The following CACNG6 variants were observed in gnomAD, a reference collection of about 807,000 sequenced individuals.
CACNG6 encodes voltage-dependent calcium channel gamma-6 subunit.
CACNG6 carries 21 observed loss-of-function variants against 23.9 expected under a neutral mutation model. The ratio of observed to expected loss-of-function variants is 0.88; its 90% CI spans 0.62 to 1.26. The LOEUF is 1.26. Ranked by LOEUF, CACNG6 falls within the 50% of genes most tolerant of loss-of-function variation. The pLI, the probability that CACNG6 is intolerant of heterozygous loss-of-function variation, is 0.00. For missense variants in CACNG6, 340 were observed against 352.9 expected (o/e 0.96, Z 0.29); for synonymous variants, 182 against 168.9 (o/e 1.08, Z -0.60).
chr19:54,005,237 A>ATAAG (rs1348000689), intron 3 of CACNG6, among the ~76,000 whole-genome samples: 1 of 122,324 alleles, frequency 8.2e-6, no homozygotes, highest in Non-Finnish European at 1.7e-5. Flanking sequence ...AAATAAATAA[A>ATAAG]TAAATAAATA....
At chr19:53,998,358 C>A (rs771077345) in intron 2 of CACNG6, 45 bp downstream of exon 2, 1 of 1,544,576 alleles carries the variant, frequency 6.5e-7, no homozygotes, top group Non-Finnish European at 8.9e-7. Flanking sequence ...GGGGGAAATG[C>A]TGAGCGTGCT....
chr19:53,996,495 C>T (rs1048779702), intron 1 of CACNG6, among the ~76,000 whole-genome samples: 1 of 151,664 alleles, frequency 6.6e-6, no homozygotes, highest in Non-Finnish European at 1.5e-5. Context: ...CGGGTTCAAG[C>T]GACTCTCCTG....
At chr19:54,006,517 C>CTTTTTTTTTTTTTTT (rs1236056716) in intron 3 of CACNG6, among the ~76,000 whole-genome samples, 30 of 107,320 alleles carry the variant, frequency 2.8e-4, no homozygotes, top group African/African-American at 1.0e-3. Flanking sequence ...TTCCTTCTTT[C>CTTTTTTTTTTTTTTT]TTTTCTTTTT....
At position 53,992,584 on chromosome 19, in the gene CACNG6, T is replaced by G; in HGVS notation, c.-294T>G. 1 of 251,556 alleles carries G rather than the reference T, an allele frequency of 4.0e-6. No individual in the cohort carries two copies. 15.6% of individuals were successfully genotyped at this position (251,556 alleles called of 1,614,324 possible). A position where few individuals can be genotyped will look rare whatever the true frequency, so the allele number is the denominator to read the frequency against. On this transcript the variant is annotated 5_prime_UTR_variant, in exon 1 of 4. Coordinates refer to ENST00000252729, the MANE Select transcript of CACNG6 (RefSeq NM_145814.2). This position sits in a 1 kb window ranked among gnomAD's most constrained non-coding sequence, Gnocchi z 4.1. ...TCTCTAAACCTCAGGGTGGGGGCCT[T>G]GTTTTTCCTCTGGGCCCCGTCTTCT...
rs1432501281 is a variant in CACNG6, at chr19:53,991,702, G to C, written c.-1176G>C. Among the ~76,000 whole-genome samples the C allele has an allele frequency of 6.6e-6, 1 of 152,052 alleles. No homozygotes were observed. The highest frequency in any genetic ancestry group is 2.4e-5 in the African/African-American group (1 of 41,428). On this transcript the variant is annotated 5_prime_UTR_variant, in exon 1 of 4. Coordinates refer to ENST00000252729, the MANE Select transcript of CACNG6 (RefSeq NM_145814.2). ...GCAGCGCGGAGCTGGGGTCGGCGCG[G>C]GGCCGAGGCAGGAGAGCGAGAGGGG...
intron 1 of CACNG6, among the ~76,000 whole-genome samples, chr19:53,994,345 G>A (rs1048070701): frequency 6.6e-6 from 1 of 152,072 alleles, no homozygotes; most frequent in Non-Finnish European, 1.5e-5. Context: ...ACATTTCAGC[G>A]TTTCTCATTT....
chr19:53,993,974 G>A (rs566423600), intron 1 of CACNG6, among the ~76,000 whole-genome samples: 1 of 152,014 alleles, frequency 6.6e-6, no homozygotes, highest in South Asian at 2.1e-4. Flanking sequence ...GACACAGCTG[G>A]TGTCCTCAGA....
At chr19:53,997,575 G>A (rs935101450) in intron 1 of CACNG6, among the ~76,000 whole-genome samples, 2 of 152,002 alleles carry the variant, frequency 1.3e-5, no homozygotes, top group East Asian at 1.9e-4. Context: ...CTTTTCAAAC[G>A]CTTGATATGA....
At chr19:54,009,432 AGAGT>A (rs1407907747) in intron 3 of CACNG6, among the ~76,000 whole-genome samples, 3 of 145,464 alleles carry the variant, frequency 2.1e-5, no homozygotes, top group Non-Finnish European at 3.0e-5. Context: ...CCTGGGCAAC[AGAGT>A]GAGACTCCAT....
upstream of CACNG6, among the ~76,000 whole-genome samples, chr19:53,991,447 C>T (rs1187707155): frequency 1.3e-5 from 2 of 152,072 alleles, no homozygotes; most frequent in Non-Finnish European, 2.9e-5. Context: ...CAGGCTCGGC[C>T]CCTTCCTCCC....
In CACNG6 at chr19:53,992,721, T is replaced by G; in HGVS notation, c.-157T>G. ...CCAGAAGCAATCTCGACTTTCGCAT[T>G]TGAGATTCCAGACAGGACTCGGCTC... is the stretch of plus-strand genomic sequence containing the variant. On this transcript the variant is annotated 5_prime_UTR_variant, in exon 1 of 4. The change creates a new upstream start codon in the 5' untranslated region. Coordinates refer to ENST00000252729, the MANE Select transcript of CACNG6 (RefSeq NM_145814.2). This position sits in a 1 kb window ranked among gnomAD's most constrained non-coding sequence, Gnocchi z 4.1. 1 of 430,184 alleles carries G rather than the reference T, an allele frequency of 2.3e-6. No individual in the cohort carries two copies. Among genetic ancestry groups the G allele is most frequent in the Non-Finnish European group, 4.0e-6 (1 of 250,786 alleles). The allele number at this position is 430,184 out of a possible 1,614,324, so 26.6% of individuals were successfully genotyped here.
chr19:54,011,991 C>T lies in CACNG6; in HGVS notation c.585C>T (p.Ser195=), dbSNP rs2069720985. 24 of 1,592,666 alleles carry T rather than the reference C, an allele frequency of 1.5e-5. No homozygotes were observed. The highest frequency in any genetic ancestry group is 1.9e-5 in the Non-Finnish European group (22 of 1,170,548). ...TGAGCCTGGAGGTGTTCCGGCATTCCGTGAGGGCCCTGCTGCAGAGAGTCA... is the reference window on the plus strand; with the variant it reads ...TGAGCCTGGAGGTGTTCCGGCATTCTGTGAGGGCCCTGCTGCAGAGAGTCA... ...LLVSLEVFRH[S]VRALLQRVSP... is the part of the protein sequence containing the mutation. Residue 195 remains serine, a synonymous_variant, in exon 4 of 4, where the codon TCC becomes TCT. Transcript: ENST00000252729.
chr19:53,998,974 G>A (rs903115457), intron 2 of CACNG6, among the ~76,000 whole-genome samples: 2 of 152,124 alleles, frequency 1.3e-5, no homozygotes, highest in Admixed American at 6.5e-5. Flanking sequence ...TCCAGTCCTC[G>A]CAGTAGCCCT....
intron 3 of CACNG6, among the ~76,000 whole-genome samples, chr19:54,004,165 C>G: frequency 6.8e-6 from 1 of 146,566 alleles, no homozygotes; most frequent in East Asian, 2.0e-4. Flanking sequence ...CCAAGTGATA[C>G]TTTTTTTTTT....
intron 1 of CACNG6, among the ~76,000 whole-genome samples, chr19:53,997,781 C>T (rs559310385): frequency 1.5e-4 from 23 of 152,076 alleles, no homozygotes; most frequent in Non-Finnish European, 2.5e-4. Context: ...CTTGCTAATC[C>T]GCAGGAGCTC....
At position 53,991,763 on chromosome 19, in the gene CACNG6, G is replaced by C. The variant is rs1401803948; in HGVS notation, c.-1115G>C. On this transcript the variant is annotated 5_prime_UTR_variant, in exon 1 of 4. Coordinates refer to ENST00000252729, the MANE Select transcript of CACNG6 (RefSeq NM_145814.2). ...GGAGTCGGGGGTGGGAGCCCCGAGG[G>C]GGGGCCCTGGCCTGGGGCTGAGCCT... 1.3e-5 allele frequency among the ~76,000 whole-genome samples: 2 copies of C among 152,110 alleles called. No homozygotes were observed. The highest frequency in any genetic ancestry group is 1.9e-4 in the East Asian group (1 of 5,154).
At chr19:54,002,424 C>G (rs1257178873) in intron 3 of CACNG6, among the ~76,000 whole-genome samples, 1 of 150,892 alleles carries the variant, frequency 6.6e-6, no homozygotes, top group Non-Finnish European at 1.5e-5. Context: ...CGGCCCCTCT[C>G]TCTTTTCTTT....
chr19:54,011,189 C>CT (rs2069702666), intron 3 of CACNG6, among the ~76,000 whole-genome samples: 1 of 35,732 alleles, frequency 2.8e-5, no homozygotes, highest in African/African-American at 1.4e-4. Context: ...CCCGTCTCTA[C>CT]TAAAAAAAAA....
intron 1 of CACNG6, among the ~76,000 whole-genome samples, chr19:53,994,448 A>G (rs1275698793): frequency 1.3e-5 from 2 of 151,954 alleles, no homozygotes; most frequent in Non-Finnish European, 2.9e-5. Flanking sequence ...CCTCCCTGAC[A>G]CGCCACGCCA....
Sources: gnomAD v4.1 joint callset for allele counts (sites outside exome capture counted in the v4.1 genomes callset) on GRCh38, gnomAD v4.1.1 for gene constraint, Gnocchi (gnomAD v3.1) non-coding constraint, MANE v1.5 for transcripts, NCBI Gene and HGNC (gene_info 2026-07-23, HGNC 2026-07-21) for gene names.